Variants in VAV1 observed in about 807,000 individuals in gnomAD.
The protein encoded by VAV1 is proto-oncogene vav.
A neutral mutation model predicts 128.1 loss-of-function variants in VAV1; 33 were observed. That is an observed-to-expected ratio of 0.26 (90% CI 0.20 to 0.34). The LOEUF is 0.34. VAV1 is among the 10% of genes least tolerant of loss of function. VAV1 has a pLI of 1.00. For missense variants in VAV1, 715 were observed against 1,093.7 expected, an observed-to-expected ratio of 0.65 and a Z score of 4.88; for synonymous variants, 394 against 409.8, an observed-to-expected ratio of 0.96 and a Z score of 0.47.
chr19:6,795,961 G>A (rs964389239), intron 1 of VAV1, among the ~76,000 whole-genome samples: 3 of 152,242 alleles, frequency 2.0e-5, no homozygotes. Flanking sequence ...GGGATTCCAG[G>A]GGTGAGCCAC....
intron 1 of VAV1, among the ~76,000 whole-genome samples, chr19:6,802,944 T>G (rs1339009009): frequency 2.6e-5 from 4 of 152,206 alleles, no homozygotes. Context: ...CCAAAGGAGT[T>G]GAACATTTAT....
At chr19:6,839,803 A>T (rs1439409167) in intron 21 of VAV1, among the ~76,000 whole-genome samples, 2 of 151,812 alleles carry the variant, frequency 1.3e-5, no homozygotes, top group African/African-American at 2.4e-5. Flanking sequence ...TGGTCCTCAC[A>T]CTTCCGCCTC....
intron 19 of VAV1, among the ~76,000 whole-genome samples, chr19:6,834,699 A>G (rs1972175978): frequency 6.8e-6 from 1 of 146,668 alleles, no homozygotes; most frequent in Non-Finnish European, 1.5e-5. Context: ...AATATATTAT[A>G]TGTATATATA....
chr19:6,776,104 CCA>C (rs1353231557), intron 1 of VAV1, among the ~76,000 whole-genome samples: 3 of 148,024 alleles, frequency 2.0e-5, no homozygotes. Context: ...ATCCATCCAT[CCA>C]TCCATCCATC....
chr19:6,822,273 G>A lies in VAV1; in HGVS notation c.502G>A (p.Ala168Thr). The A allele has an allele frequency of 6.3e-7, 1 of 1,593,556 alleles. No individual in the cohort carries two copies. Among genetic ancestry groups the A allele is most frequent in the South Asian group, 1.1e-5 (1 of 87,240 alleles). Reference protein sequence around the residue: ...DLYDCVENEEAEGDEIYEDLM... With the variant: ...DLYDCVENEETEGDEIYEDLM... ...GTATGACTGCGTGGAGAATGAGGAG[G>A]CGGAAGGCGACGAGATCTATGAGGA... The change falls in exon 5 of 27, where the codon GCG becomes ACG. Residue 168 changes from alanine to threonine, a missense_variant. By Grantham distance (58) the Ala-to-Thr change is moderately conservative. This residue lies in a region of VAV1 where 302 missense variants were observed against 477.8 expected (regional missense o/e 0.63). Coordinates refer to ENST00000602142, the MANE Select transcript of VAV1 (RefSeq NM_005428.4). This position sits in a 1 kb window ranked among gnomAD's most constrained non-coding sequence, Gnocchi z 5.9.
intron 1 of VAV1, among the ~76,000 whole-genome samples, chr19:6,817,547 C>G (rs1971683117): frequency 6.6e-6 from 1 of 152,070 alleles, no homozygotes. Flanking sequence ...ATTCAAGAAA[C>G]AGAACGATGG....
At position 6,828,611 on chromosome 19, in the gene VAV1, C is replaced by T; in HGVS notation, c.1093-11C>T. On this transcript the variant is annotated splice_polypyrimidine_tract_variant and intron_variant, in intron 11 of 26. Transcript: ENST00000602142. The surrounding 1 kb of genome is among the most constrained non-coding windows in gnomAD (Gnocchi z 4.5). ...GTTGGGGGGCCAGGTTCACCCCTGC[C>T]CCCTCCCCAGGACCTGGCTCAGTGC... is the stretch of plus-strand genomic sequence containing the variant. The T allele has an allele frequency of 6.2e-7, 1 of 1,613,864 alleles. No homozygotes were observed. The highest frequency in any genetic ancestry group is 8.5e-7 in the Non-Finnish European group (1 of 1,179,922).
At chr19:6,813,860 C>A (rs1971564484) in intron 1 of VAV1, among the ~76,000 whole-genome samples, 1 of 151,842 alleles carries the variant, frequency 6.6e-6, no homozygotes, top group Non-Finnish European at 1.5e-5. Context: ...TGAAGACCAG[C>A]CTGTGTGACA....
At chr19:6,801,370 C>T (rs904553642) in intron 1 of VAV1, among the ~76,000 whole-genome samples, 3 of 152,110 alleles carry the variant, frequency 2.0e-5, no homozygotes, top group Non-Finnish European at 2.9e-5. Context: ...GTCTGGGAGT[C>T]GAACCAGATC....
chr19:6,804,930 A>G (rs1326356927), intron 1 of VAV1, among the ~76,000 whole-genome samples: 1 of 151,128 alleles, frequency 6.6e-6, no homozygotes, highest in Non-Finnish European at 1.5e-5. Context: ...TCACCATGTT[A>G]GCCAGGATGG....
intron 6 of VAV1, among the ~76,000 whole-genome samples, chr19:6,824,038 A>G (rs2066816500): frequency 6.6e-6 from 1 of 152,002 alleles, no homozygotes; most frequent in African/African-American, 2.4e-5. Context: ...CCTGGGCTCA[A>G]GTGATCCCCC....
At chr19:6,794,061 C>T (rs2617814) in intron 1 of VAV1, among the ~76,000 whole-genome samples, 1,950 of 96,008 alleles carry the variant, frequency 0.02, 141 homozygotes, top group Middle Eastern at 0.037. Context: ...TACCAATAAA[C>T]CAACGGTAAA....
intron 21 of VAV1, among the ~76,000 whole-genome samples, chr19:6,841,020 T>C (rs545636356): frequency 6.6e-6 from 1 of 151,780 alleles, no homozygotes; most frequent in Non-Finnish European, 1.5e-5. Context: ...TGAGGTGATC[T>C]GCCCGCGTTG....
intron 24 of VAV1, 143 bp from the exon 25 acceptor site, chr19:6,852,821 TG>T: frequency 1.8e-6 from 1 of 564,680 alleles, no homozygotes; most frequent in Non-Finnish European, 3.2e-6. Context: ...CTCCCCATCA[TG>T]GGGAGTATTC....
intron 21 of VAV1, among the ~76,000 whole-genome samples, chr19:6,840,761 T>G (rs1438472536): frequency 1.3e-5 from 2 of 151,404 alleles, no homozygotes; most frequent in African/African-American, 2.4e-5. Flanking sequence ...TGTGCCACCA[T>G]GCCTGGCTAA....
intron 1 of VAV1, among the ~76,000 whole-genome samples, chr19:6,800,792 T>TTTTGTGTGTGTGTG (rs1555699757): frequency 3.4e-5 from 5 of 147,612 alleles, no homozygotes; most frequent in African/African-American, 1.2e-4. Context: ...TGGCAAATTT[T>TTTTGTGTGTGTGTG]TGTGTGTGTG....
intron 1 of VAV1, among the ~76,000 whole-genome samples, chr19:6,779,851 C>T (rs913933478): frequency 6.7e-6 from 1 of 149,914 alleles, no homozygotes; most frequent in African/African-American, 2.4e-5. Context: ...GTGACTCACA[C>T]CTGTAATTCC....
chr19:6,791,485 G>A (rs2546125), intron 1 of VAV1, among the ~76,000 whole-genome samples: 33,715 of 151,332 alleles, frequency 0.22, 3,955 homozygotes, highest in African/African-American at 0.31. Flanking sequence ...CTACCTCCTC[G>A]TCTCAAGGTC....
chr19:6,843,111 T>C (rs2144812993), intron 21 of VAV1, 24 bp from the exon 22 acceptor site: 1 of 1,613,768 alleles, frequency 6.2e-7, no homozygotes, highest in Non-Finnish European at 8.5e-7. Context: ...TACACTAAGT[T>C]GGGGTCTCTC....
Sources: gnomAD v4.1 joint callset for allele counts (sites outside exome capture counted in the v4.1 genomes callset) on GRCh38, gnomAD v4.1.1 for gene constraint, gnomAD v4.1.1 regional missense constraint, Gnocchi (gnomAD v3.1) non-coding constraint, MANE v1.5 for transcripts, NCBI Gene and HGNC (gene_info 2026-07-23, HGNC 2026-07-21) for gene names.